CFAP100: variants seen among roughly 807,000 people sequenced by gnomAD.
CFAP100 encodes cilia and flagella associated protein 100, also known as cilia- and flagella-associated protein 100.
Under a neutral mutation model 81.5 loss-of-function variants are expected in CFAP100, and 70 were observed. The ratio of observed to expected loss-of-function variants is 0.86; its 90% CI spans 0.71 to 1.05. The LOEUF (loss-of-function observed/expected upper bound fraction) is 1.05, where lower values mean the gene tolerates loss of function less well. CFAP100 is among the 50% of genes least tolerant of loss of function. The pLI is 0.00. For missense variants in CFAP100, 811 were observed against 776.5 expected (o/e 1.04, Z -0.53); for synonymous variants, 341 against 314.8 (o/e 1.08, Z -0.88).
At chr3:126,403,297 G>A (rs759442131) in intron 2 of CFAP100, among the ~76,000 whole-genome samples, 27 of 152,086 alleles carry the variant, frequency 1.8e-4, no homozygotes, top group Non-Finnish European at 3.2e-4. Flanking sequence ...AGAATGGCCC[G>A]GGACACAGCC....
At position 126,419,695 on chromosome 3, in the gene CFAP100, T is replaced by C. The variant is rs1461206235; in HGVS notation, c.790T>C (p.Tyr264His). 1.9e-6 allele frequency: 3 copies of C among 1,614,086 alleles called. No individual in the cohort carries two copies. The highest frequency in any genetic ancestry group is 1.3e-5 in the African/African-American group (1 of 75,048). The change falls in exon 9 of 17, where the codon TAC becomes CAC. Residue 264 changes from tyrosine to histidine, a missense_variant. Coordinates refer to ENST00000352312, the MANE Select transcript of CFAP100 (RefSeq NM_182628.3). ...TTACAAGGTCTATAAGGATTTCCTA[T>C]ACAAGCTGTCGCCCAAGGAGTGGCT... ...KHYKVYKDFL[Y>H]KLSPKEWLEE...
At chr3:126,400,855 C>A (rs114855772) in intron 2 of CFAP100, among the ~76,000 whole-genome samples, 1 of 152,138 alleles carries the variant, frequency 6.6e-6, no homozygotes, top group African/African-American at 2.4e-5. Context: ...CCTAAAAGAA[C>A]GGAAAGCAGG....
chr3:126,412,916 A>T (rs1027192047), intron 3 of CFAP100, among the ~76,000 whole-genome samples: 1 of 152,214 alleles, frequency 6.6e-6, no homozygotes, highest in African/African-American at 2.4e-5. Flanking sequence ...AATCACAGAA[A>T]GTCCCCAGTC....
chr3:126,415,058 G>A (rs2107601226), intron 4 of CFAP100, among the ~76,000 whole-genome samples: 1 of 152,264 alleles, frequency 6.6e-6, no homozygotes, highest in East Asian at 1.9e-4. Flanking sequence ...GAGACCCAGA[G>A]ACTCTCTGAC....
intron 13 of CFAP100, among the ~76,000 whole-genome samples, chr3:126,428,927 T>C (rs1393593517): frequency 1.3e-5 from 2 of 151,960 alleles, no homozygotes; most frequent in Admixed American, 6.5e-5. Flanking sequence ...GCCAACATAG[T>C]GAAACCCTGT....
At chr3:126,421,759 C>T (rs763792351) in intron 11 of CFAP100, among the ~76,000 whole-genome samples, 1 of 152,254 alleles carries the variant, frequency 6.6e-6, no homozygotes, top group Non-Finnish European at 1.5e-5. Context: ...AGGACCCAAG[C>T]TGGCTTTCCT....
intron 2 of CFAP100, among the ~76,000 whole-genome samples, chr3:126,396,892 G>A (rs1156705789): frequency 2.6e-5 from 4 of 152,204 alleles, no homozygotes; most frequent in African/African-American, 7.2e-5. Context: ...GTTTTGACCA[G>A]GCATAGTATT....
chr3:126,423,320 C>G lies in CFAP100; in HGVS notation c.1083-5C>G. 1 of 1,612,272 alleles carries G rather than the reference C, an allele frequency of 6.2e-7. No homozygotes were observed. Among genetic ancestry groups the G allele is most frequent in the Non-Finnish European group, 8.5e-7 (1 of 1,179,040 alleles). Reference sequence around the variant, plus strand: ...CAGAGTCCCGACCCTGCCATCTCTTCGCAGGTCGAACTCTCCCATCCCCCC... The same window carrying G: ...CAGAGTCCCGACCCTGCCATCTCTTGGCAGGTCGAACTCTCCCATCCCCCC... On this transcript the variant is annotated splice_region_variant and splice_polypyrimidine_tract_variant and intron_variant, in intron 11 of 16. Transcript: ENST00000352312.
chr3:126,413,366 A>G (rs766266658), intron 3 of CFAP100, among the ~76,000 whole-genome samples: 1 of 152,102 alleles, frequency 6.6e-6, no homozygotes, highest in Non-Finnish European at 1.5e-5. Flanking sequence ...GCTGTCCTAG[A>G]GTTTTAAATT....
chr3:126,427,776 TTTTAA>T lies in CFAP100; in HGVS notation c.1286+4136_1286+4140del, dbSNP rs148506638. On this transcript the variant is annotated intron_variant, in intron 13 of 16. Coordinates refer to ENST00000352312, the MANE Select transcript of CFAP100 (RefSeq NM_182628.3). Reference sequence around the variant, plus strand: ...CCAATAGATGTGTAGTGGTATTTTGTTTTAATTTGTGACTCCTGGGCATATGATGA... The same window carrying T: ...CCAATAGATGTGTAGTGGTATTTTGTTTTGTGACTCCTGGGCATATGATGA... Among the ~76,000 whole-genome samples, 1,075 of 152,262 alleles carry T rather than the reference TTTTAA, an allele frequency of 7.1e-3. 13 individuals are homozygous for T. The highest frequency in any genetic ancestry group is 0.024 in the African/African-American group (1,010 of 41,532).
intron 2 of CFAP100, among the ~76,000 whole-genome samples, chr3:126,403,325 T>C (rs1023005614): frequency 1.7e-4 from 26 of 151,126 alleles, no homozygotes; most frequent in Middle Eastern, 3.2e-3. Flanking sequence ...CTCCGATGGA[T>C]AGAGGATGTT....
At chr3:126,432,805 G>T in intron 13 of CFAP100, 1 of 340,132 alleles carries the variant, frequency 2.9e-6, no homozygotes, top group Non-Finnish European at 5.3e-6. Flanking sequence ...ATTTTATGAT[G>T]GTTATGCTAA....
rs1334657615 is a variant in CFAP100, at chr3:126,394,979, G to C, written c.-60+1G>C. 2 of 152,600 alleles carry C rather than the reference G, an allele frequency of 1.3e-5. No homozygotes were observed. Among genetic ancestry groups the C allele is most frequent in the African/African-American group, 4.8e-5 (2 of 41,464 alleles). The allele number at this position is 152,600 out of a possible 1,614,324, so 9.5% of individuals were successfully genotyped here. A position where few individuals can be genotyped will look rare whatever the true frequency, so the allele number is the denominator to read the frequency against. On this transcript the variant is annotated splice_donor_variant, in intron 1 of 16. Coordinates refer to ENST00000352312, the MANE Select transcript of CFAP100 (RefSeq NM_182628.3). LOFTEE classifies it low-confidence loss of function (5UTR_SPLICE). Reference sequence around the variant, plus strand: ...GAGCGAGCCGGGGCAGTCGGGGTCGGTGGGTGCGCTCGCGGTCCGGGGAGA... The same window carrying C: ...GAGCGAGCCGGGGCAGTCGGGGTCGCTGGGTGCGCTCGCGGTCCGGGGAGA...
At chr3:126,407,748 A>G (rs780937904) in intron 3 of CFAP100, among the ~76,000 whole-genome samples, 1 of 152,348 alleles carries the variant, frequency 6.6e-6, no homozygotes, top group Non-Finnish European at 1.5e-5. Flanking sequence ...ACATTCCAGC[A>G]GCTAAATTTG....
intron 2 of CFAP100, among the ~76,000 whole-genome samples, chr3:126,400,042 A>G (rs2082949387): frequency 2.0e-5 from 3 of 152,194 alleles, no homozygotes; most frequent in African/African-American, 7.2e-5. Flanking sequence ...CTGTTGGTCA[A>G]GGGCTGTCCT....
intron 2 of CFAP100, among the ~76,000 whole-genome samples, chr3:126,401,211 A>G (rs2082973594): frequency 6.6e-6 from 1 of 151,724 alleles, no homozygotes; most frequent in Middle Eastern, 3.2e-3. Context: ...TAATGCACGC[A>G]GAGTTTCAGT....
At chr3:126,427,645 A>C (rs1328492895) in intron 13 of CFAP100, among the ~76,000 whole-genome samples, 1 of 152,196 alleles carries the variant, frequency 6.6e-6, no homozygotes, top group Non-Finnish European at 1.5e-5. Flanking sequence ...ACTGTCTTCC[A>C]AGGTGTCTGT....
At chr3:126,411,966 G>A (rs1271436173) in intron 3 of CFAP100, among the ~76,000 whole-genome samples, 4 of 151,866 alleles carry the variant, frequency 2.6e-5, no homozygotes, top group Non-Finnish European at 4.4e-5. Context: ...GTTTGTTCTT[G>A]TTTCCCTAGT....
chr3:126,427,488 C>T (rs1933007405), intron 13 of CFAP100, among the ~76,000 whole-genome samples: 1 of 151,824 alleles, frequency 6.6e-6, no homozygotes, highest in Non-Finnish European at 1.5e-5. Context: ...TGGTCTCTTT[C>T]CCTCAGTGCC....
Sources: gnomAD v4.1 joint callset for allele counts (sites outside exome capture counted in the v4.1 genomes callset) on GRCh38, gnomAD v4.1.1 for gene constraint, MANE v1.5 for transcripts, NCBI Gene and HGNC (gene_info 2026-07-23, HGNC 2026-07-21) for gene names.